Variants in GRIP1 observed in about 807,000 individuals in gnomAD.
GRIP1 encodes glutamate receptor-interacting protein 1.
Under a neutral mutation model 129.9 loss-of-function variants are expected in GRIP1, and 45 were observed. That is an observed-to-expected ratio of 0.35 (90% CI 0.27 to 0.44). The LOEUF (loss-of-function observed/expected upper bound fraction) is 0.44. GRIP1 is among the 20% of genes least tolerant of loss of function. The pLI is 1.00. For missense variants in GRIP1, 1,196 were observed against 1,396.8 expected (o/e 0.86, Z 2.29); for synonymous variants, 530 against 520.8 (o/e 1.02, Z -0.24).
At chr12:66,933,029 C>A (rs149353271) in intron 1 of GRIP1, among the ~76,000 whole-genome samples, 1 of 152,144 alleles carries the variant, frequency 6.6e-6, no homozygotes, top group Non-Finnish European at 1.5e-5. Context: ...CTATAGGTAA[C>A]GAGTTCCATT....
chr12:66,506,829 A>G (rs1447517644), intron 7 of GRIP1, among the ~76,000 whole-genome samples: 1 of 152,120 alleles, frequency 6.6e-6, no homozygotes, highest in African/African-American at 2.4e-5. Flanking sequence ...TTGAATATGT[A>G]AAAGGGAATG....
intron 1 of GRIP1, among the ~76,000 whole-genome samples, chr12:66,838,109 C>A (rs2039649340): frequency 6.6e-6 from 1 of 151,444 alleles, no homozygotes; most frequent in African/African-American, 2.4e-5. Flanking sequence ...TCGCTTGAAC[C>A]CGGAAGGCAG....
At chr12:66,779,513 A>G (rs2038091060) in intron 1 of GRIP1, among the ~76,000 whole-genome samples, 1 of 152,234 alleles carries the variant, frequency 6.6e-6, no homozygotes, top group Non-Finnish European at 1.5e-5. Flanking sequence ...TCACACGTTT[A>G]TTGTATCAAA....
intron 11 of GRIP1, among the ~76,000 whole-genome samples, chr12:66,452,800 C>T (rs3751277): frequency 0.01 from 1,526 of 152,176 alleles, 28 homozygotes; most frequent in African/African-American, 0.032. Context: ...AAGACCTTTA[C>T]ATCTAATGTG....
intron 1 of GRIP1, among the ~76,000 whole-genome samples, chr12:66,877,838 T>G (rs1223639556): frequency 6.6e-6 from 1 of 151,966 alleles, no homozygotes; most frequent in Non-Finnish European, 1.5e-5. Flanking sequence ...AATTAAAAAA[T>G]GAGTGAAAGG....
At chr12:66,509,973 G>A (rs186327591) in intron 7 of GRIP1, among the ~76,000 whole-genome samples, 1 of 151,686 alleles carries the variant, frequency 6.6e-6, no homozygotes. Flanking sequence ...AAAAAAAAAA[G>A]ATGCTCATGC....
Position 66,517,477 on chromosome 12 carries a change from A to G in GRIP1, c.578+424T>C, listed in dbSNP as rs543348324. On this transcript the variant is annotated intron_variant, in intron 6 of 24. Coordinates refer to ENST00000359742, the MANE Select transcript of GRIP1 (RefSeq NM_001366722.1). ...TGTTGAGAATGGTAAGAATCTCACC[A>G]CCACCACCTATCTGTCCAGGCTGGG... is the stretch of plus-strand genomic sequence containing the variant. 9.8e-5 allele frequency among the ~76,000 whole-genome samples: 15 copies of G among 152,308 alleles called. No homozygotes were observed. In the East Asian group the frequency reaches 2.9e-3, roughly 29 times the overall value.
intron 1 of GRIP1, among the ~76,000 whole-genome samples, chr12:66,937,868 G>C (rs1186528574): frequency 1.3e-5 from 2 of 152,146 alleles, no homozygotes; most frequent in Non-Finnish European, 2.9e-5. Context: ...ATAAGGGAAA[G>C]GCTCTGAAAT....
intron 6 of GRIP1, among the ~76,000 whole-genome samples, chr12:66,515,998 A>G (rs1195194355): frequency 6.6e-6 from 1 of 152,114 alleles, no homozygotes; most frequent in Non-Finnish European, 1.5e-5. Flanking sequence ...AAAAAAACCT[A>G]ATTACCCACA....
At chr12:66,404,198 T>C (rs980454931) in intron 16 of GRIP1, among the ~76,000 whole-genome samples, 1 of 152,224 alleles carries the variant, frequency 6.6e-6, no homozygotes, top group African/African-American at 2.4e-5. Context: ...TTTTTAAACA[T>C]TGGTTATAAA....
intron 1 of GRIP1, among the ~76,000 whole-genome samples, chr12:67,021,155 A>T (rs1424574198): frequency 6.6e-6 from 1 of 152,122 alleles, no homozygotes; most frequent in Non-Finnish European, 1.5e-5. Flanking sequence ...ACATATATAC[A>T]CCCAAGAAAC....
intron 1 of GRIP1, among the ~76,000 whole-genome samples, chr12:67,017,731 G>GCAAC (rs1166412962): frequency 1.3e-5 from 2 of 152,152 alleles, no homozygotes; most frequent in Non-Finnish European, 2.9e-5. Context: ...CTTGGAAGAA[G>GCAAC]CAACCAAGAA....
At position 66,394,291 on chromosome 12, in the gene GRIP1, G is replaced by C; in HGVS notation, c.2046C>G (p.Pro682=). Reference sequence around the variant, plus strand: ...CAGTTCCTGAAATTGTGATGCCAAGGGGCCCCCCGTAGCGTTTAAGCTCCA... The same window carrying C: ...CAGTTCCTGAAATTGTGATGCCAAGCGGCCCCCCGTAGCGTTTAAGCTCCA... The part of the protein sequence containing the change: ...YTVELKRYGG[P]LGITISGTEE... The change falls in exon 17 of 25, where the codon CCC becomes CCG. Residue 682 remains proline, a synonymous_variant. Coordinates refer to ENST00000359742, the MANE Select transcript of GRIP1 (RefSeq NM_001366722.1). 6.2e-7 allele frequency: 1 copy of C among 1,613,944 alleles called. No homozygotes were observed. Among genetic ancestry groups the C allele is most frequent in the South Asian group, 1.1e-5 (1 of 91,074 alleles).
intron 1 of GRIP1, among the ~76,000 whole-genome samples, chr12:66,727,160 A>C (rs1358590532): frequency 3.3e-5 from 5 of 152,204 alleles, no homozygotes; most frequent in Non-Finnish European, 7.3e-5. Flanking sequence ...TGGTTTTAAA[A>C]AGAAAGCATA....
At chr12:66,663,926 A>G (rs2033653938) in intron 1 of GRIP1, among the ~76,000 whole-genome samples, 1 of 152,194 alleles carries the variant, frequency 6.6e-6, no homozygotes, top group Non-Finnish European at 1.5e-5. Flanking sequence ...GTTGAGATAA[A>G]TGAATGCTTT....
chr12:66,979,232 A>ACAAAAC (rs748756368), intron 1 of GRIP1, among the ~76,000 whole-genome samples: 1 of 129,476 alleles, frequency 7.7e-6, no homozygotes, highest in Non-Finnish European at 1.6e-5. Context: ...TAAAAAAAAA[A>ACAAAAC]AAAAAAAAAA....
intron 2 of GRIP1, among the ~76,000 whole-genome samples, chr12:66,545,100 T>A (rs2061908367): frequency 6.6e-6 from 1 of 152,142 alleles, no homozygotes; most frequent in Non-Finnish European, 1.5e-5. Context: ...AGGCAACAGA[T>A]GATGTCTAAC....
chr12:66,815,428 T>C (rs1207413532), intron 1 of GRIP1, among the ~76,000 whole-genome samples: 1 of 152,132 alleles, frequency 6.6e-6, no homozygotes, highest in Non-Finnish European at 1.5e-5. Context: ...GATGACTCTA[T>C]TAGTTTGGAT....
intron 1 of GRIP1, among the ~76,000 whole-genome samples, chr12:66,929,276 T>C (rs1420863639): frequency 6.6e-6 from 1 of 152,214 alleles, no homozygotes; most frequent in East Asian, 1.9e-4. Flanking sequence ...CTATCACTCA[T>C]GTCTCACCTC....
Sources: allele counts gnomAD v4.1 joint callset (sites outside exome capture counted in the v4.1 genomes callset), GRCh38; gene constraint gnomAD v4.1.1; transcripts MANE v1.5; gene names NCBI Gene and HGNC (gene_info 2026-07-23, HGNC 2026-07-21).